Variants in LYRM7 observed in about 807,000 individuals in gnomAD.
LYRM7 encodes the protein complex III assembly factor LYRM7.
In LYRM7, 9 loss-of-function variants were observed where a neutral mutation model predicts 15.8. The observed-to-expected ratio is 0.57, with a 90% CI of 0.34 to 0.99. LYRM7 has a LOEUF of 0.99. Among genes scored for constraint, LYRM7 ranks in the 50% least tolerant of loss-of-function variants. The pLI is 0.02. For synonymous variants in LYRM7, 39 were observed against 39.4 expected (o/e 0.99, Z 0.04); for missense variants, 115 against 119.1 (o/e 0.97, Z 0.16).
chr5:131,178,823 G>A (rs545999317), intron 1 of LYRM7, among the ~76,000 whole-genome samples: 11 of 152,150 alleles, frequency 7.2e-5, no homozygotes, highest in East Asian at 3.9e-4. Flanking sequence ...TTAGCTGGGC[G>A]TGGTGGCACA....
At position 131,204,472 on chromosome 5, in the gene LYRM7, A is replaced by G. The variant is rs1020551714; in HGVS notation, c.*4871A>G. 1 of 96,790 alleles carries G rather than the reference A, an allele frequency of 1.0e-5. No homozygotes were observed. The highest frequency in any genetic ancestry group is 1.8e-5 in the Non-Finnish European group (1 of 54,344). The allele number at this position is 96,790 out of a possible 1,614,324, so 6.0% of individuals were successfully genotyped here. ...AGAGTTGAAAAGGATGAGGATACAC[A>G]CACACACACACACACACACACACAC... On this transcript the variant is annotated 3_prime_UTR_variant, in exon 5 of 5. Coordinates refer to ENST00000379380, the MANE Select transcript of LYRM7 (RefSeq NM_181705.4).
chr5:131,182,130 G>A (rs1428914088), intron 2 of LYRM7, 99 bp from the exon 3 acceptor site: 7 of 1,060,588 alleles, frequency 6.6e-6, no homozygotes, highest in Non-Finnish European at 6.4e-6. Flanking sequence ...AATTTCTATA[G>A]TAGAGAAGTA....
Position 131,176,972 on chromosome 5 carries a change from G to C in LYRM7, c.19-3123G>C, listed in dbSNP as rs138110040. ...TATAAAGCAAACAGCTGCCCTCACAGTTCTACTAGCACCTAGTACTTTAAC... is the reference window on the plus strand; with the variant it reads ...TATAAAGCAAACAGCTGCCCTCACACTTCTACTAGCACCTAGTACTTTAAC... On this transcript the variant is annotated intron_variant, in intron 1 of 4. Transcript: ENST00000379380. Among the ~76,000 whole-genome samples the C allele has an allele frequency of 2.4e-3, 370 of 152,138 alleles. 1 individual carries two copies. The highest frequency in any genetic ancestry group is 3.9e-3 in the Non-Finnish European group (268 of 67,982).
intron 4 of LYRM7, among the ~76,000 whole-genome samples, chr5:131,191,544 T>TC (rs1246454921): frequency 6.6e-6 from 1 of 152,172 alleles, no homozygotes; most frequent in Admixed American, 6.6e-5. Context: ...CAGCAGGAAC[T>TC]CTTTATCTTA....
chr5:131,197,060 A>G (rs1755976688), intron 4 of LYRM7, among the ~76,000 whole-genome samples: 1 of 152,230 alleles, frequency 6.6e-6, no homozygotes, highest in Non-Finnish European at 1.5e-5. Flanking sequence ...CTAAAGTGAT[A>G]TGGGTATATT....
In LYRM7 at chr5:131,178,248, G is replaced by A. The variant is rs546998472; in HGVS notation, c.19-1847G>A. On this transcript the variant is annotated intron_variant, in intron 1 of 4. Transcript: ENST00000379380. ...TAGACAGTATTTGCAGAACAGACTG[G>A]AGGACAGGAGGGTGTGGTGGCAAAG... 7.2e-5 allele frequency among the ~76,000 whole-genome samples: 11 copies of A among 152,342 alleles called. No individual in the cohort carries two copies. In the South Asian group the frequency reaches 2.3e-3, roughly 32 times the overall value.
chr5:131,181,463 ATG>A (rs1474362550), intron 2 of LYRM7, among the ~76,000 whole-genome samples: 1 of 132,576 alleles, frequency 7.5e-6, no homozygotes, highest in Non-Finnish European at 1.6e-5. Flanking sequence ...AAACATATAT[ATG>A]TATATATATA....
intron 1 of LYRM7, among the ~76,000 whole-genome samples, chr5:131,179,185 A>T (rs932951213): frequency 5.9e-5 from 9 of 152,072 alleles, no homozygotes; most frequent in Admixed American, 1.3e-4. Context: ...GAGGATTATT[A>T]ACTTTTTAAC....
At chr5:131,193,281 A>C (rs1752789749) in intron 4 of LYRM7, among the ~76,000 whole-genome samples, 1 of 152,366 alleles carries the variant, frequency 6.6e-6, no homozygotes, top group East Asian at 1.9e-4. Context: ...CAGGGATAGA[A>C]CAATGGGCAA....
chr5:131,174,203 A>G (rs1755563958), intron 1 of LYRM7, among the ~76,000 whole-genome samples: 1 of 152,234 alleles, frequency 6.6e-6, no homozygotes, highest in Admixed American at 6.5e-5. Context: ...TAAACTCAAG[A>G]ATCCACTTTC....
intron 1 of LYRM7, among the ~76,000 whole-genome samples, chr5:131,177,725 A>G (rs143125747): frequency 5.3e-4 from 81 of 152,250 alleles, no homozygotes; most frequent in Middle Eastern, 3.4e-3. Flanking sequence ...AACCCTTTCT[A>G]TCTTGTAATT....
Position 131,200,364 on chromosome 5 carries a change from CTCA to C in LYRM7, c.*766_*768del, listed in dbSNP as rs1242346154. ...GTGAAATGTAATCGGTGGCTACATTCTCATCGTTTTAATTAATGAAACTTAAAT... is the reference window on the plus strand; with the variant it reads ...GTGAAATGTAATCGGTGGCTACATTCTCGTTTTAATTAATGAAACTTAAAT... On this transcript the variant is annotated 3_prime_UTR_variant, in exon 5 of 5. Coordinates refer to ENST00000379380, the MANE Select transcript of LYRM7 (RefSeq NM_181705.4). 6.6e-6 allele frequency: 1 copy of C among 152,266 alleles called. No homozygotes were observed. Among genetic ancestry groups the C allele is most frequent in the Admixed American group, 6.6e-5 (1 of 15,264 alleles). The allele number at this position is 152,266 out of a possible 1,614,324, so 9.4% of individuals were successfully genotyped here. A position where few individuals can be genotyped will look rare whatever the true frequency, so the allele number is the denominator to read the frequency against.
chr5:131,184,265 C>T (rs918316239), intron 3 of LYRM7, among the ~76,000 whole-genome samples: 1 of 152,166 alleles, frequency 6.6e-6, no homozygotes, highest in South Asian at 2.1e-4. Context: ...CTGTGCCCAG[C>T]CCCCTGCAAT....
At position 131,202,780 on chromosome 5, in the gene LYRM7, G is replaced by A. The variant is rs1317450041; in HGVS notation, c.*3179G>A. 6.6e-6 allele frequency: 1 copy of A among 152,318 alleles called. No individual in the cohort carries two copies. Among genetic ancestry groups the A allele is most frequent in the Admixed American group, 6.5e-5 (1 of 15,280 alleles). 9.4% of individuals were successfully genotyped at this position (152,318 alleles called of 1,614,324 possible). A position where few individuals can be genotyped will look rare whatever the true frequency, so the allele number is the denominator to read the frequency against. On this transcript the variant is annotated 3_prime_UTR_variant, in exon 5 of 5. Coordinates refer to ENST00000379380, the MANE Select transcript of LYRM7 (RefSeq NM_181705.4). The stretch of plus-strand genomic sequence containing the variant: ...CTTTGACTATTGAGATCTAGTGAAA[G>A]TGGGGTATATGAATTCTAATTGCAA...
intron 3 of LYRM7, among the ~76,000 whole-genome samples, chr5:131,184,642 G>GCGGC (rs947647651): frequency 7.0e-6 from 1 of 142,254 alleles, no homozygotes; most frequent in African/African-American, 2.9e-5. Flanking sequence ...TTTTTTGGCG[G>GCGGC]GGGGGGGGTT....
Position 131,199,520 on chromosome 5 carries a change from T to TTTTC in LYRM7, c.245-6_245-3dup, listed in dbSNP as rs1756023503. ...TGATGTTAATTATTCTCTTTTTTTT[T>TTTTC]TTTCTTTCAGAACTGGTCCCTAGGA... On this transcript the variant is annotated splice_polypyrimidine_tract_variant and intron_variant, in intron 4 of 4. Coordinates refer to ENST00000379380, the MANE Select transcript of LYRM7 (RefSeq NM_181705.4). 8 of 1,565,660 alleles carry TTTTC rather than the reference T, an allele frequency of 5.1e-6. No individual in the cohort carries two copies. The highest frequency in any genetic ancestry group is 8.6e-7 in the Non-Finnish European group (1 of 1,158,048).
intron 4 of LYRM7, among the ~76,000 whole-genome samples, chr5:131,195,347 T>C (rs1278405350): frequency 6.6e-6 from 1 of 152,050 alleles, no homozygotes; most frequent in Non-Finnish European, 1.5e-5. Flanking sequence ...AAAGCAGAGA[T>C]AGAAAAAAGT....
chr5:131,191,127 G>T (rs1429176067), intron 4 of LYRM7, among the ~76,000 whole-genome samples: 1 of 151,304 alleles, frequency 6.6e-6, no homozygotes, highest in Non-Finnish European at 1.5e-5. Flanking sequence ...AATACATATT[G>T]CCTTAATAAT....
intron 3 of LYRM7, among the ~76,000 whole-genome samples, chr5:131,185,001 A>G (rs1479935441): frequency 6.6e-6 from 1 of 152,136 alleles, no homozygotes; most frequent in Non-Finnish European, 1.5e-5. Context: ...CAAAATATTA[A>G]TATATACAGA....
Sources: allele counts gnomAD v4.1 joint callset (sites outside exome capture counted in the v4.1 genomes callset), GRCh38; gene constraint gnomAD v4.1.1; transcripts MANE v1.5; gene names NCBI Gene and HGNC (gene_info 2026-07-23, HGNC 2026-07-21).